Variants in CACNA1B observed in about 807,000 individuals in gnomAD.
CACNA1B encodes calcium voltage-gated channel subunit alpha1 B.
CACNA1B carries 70 observed loss-of-function variants against 247.2 expected under a neutral mutation model. That is an observed-to-expected ratio of 0.28 (90% CI 0.23 to 0.35). The LOEUF (loss-of-function observed/expected upper bound fraction) is 0.35, where lower values mean the gene tolerates loss of function less well. CACNA1B is among the 10% of genes least tolerant of loss of function. The pLI is 1.00. For synonymous variants in CACNA1B, 1,231 were observed against 1,294.4 expected (o/e 0.95, Z 1.05); for missense variants, 2,367 against 3,197.4 (o/e 0.74, Z 6.26).
At chr9:137,932,468 T>A (rs1957618699) in intron 6 of CACNA1B, among the ~76,000 whole-genome samples, 1 of 152,228 alleles carries the variant, frequency 6.6e-6, no homozygotes, top group African/African-American at 2.4e-5. Context: ...GAACTTGTTT[T>A]CTATGGTGAA....
At chr9:137,942,929 A>G (rs1408497367) in intron 6 of CACNA1B, among the ~76,000 whole-genome samples, 1 of 152,142 alleles carries the variant, frequency 6.6e-6, no homozygotes, top group Non-Finnish European at 1.5e-5. Flanking sequence ...TACGCATGTA[A>G]CCAAACACCA....
rs1305533380 is a variant in CACNA1B, at chr9:137,899,996, T to A, written c.531-13184T>A. On this transcript the variant is annotated intron_variant, in intron 3 of 46. Coordinates refer to ENST00000371372, the MANE Select transcript of CACNA1B (RefSeq NM_000718.4). This position sits in a 1 kb window ranked among gnomAD's most constrained non-coding sequence, Gnocchi z 5.0. The stretch of plus-strand genomic sequence containing the variant: ...CCAGATGCATGGGGACAAGGGAGCA[T>A]CCATAGTTTCTCATAGAACATAACA... 1.3e-5 allele frequency among the ~76,000 whole-genome samples: 2 copies of A among 152,116 alleles called. No homozygotes were observed. The highest frequency in any genetic ancestry group is 2.4e-5 in the African/African-American group (1 of 41,426).
intron 5 of CACNA1B, among the ~76,000 whole-genome samples, chr9:137,916,293 A>G (rs1957410446): frequency 6.6e-6 from 1 of 152,110 alleles, no homozygotes. Flanking sequence ...TCAGCCTCCC[A>G]AAGTGCTAGG....
At chr9:137,916,358 C>T (rs1307835631) in intron 5 of CACNA1B, among the ~76,000 whole-genome samples, 4 of 151,918 alleles carry the variant, frequency 2.6e-5, no homozygotes, top group Non-Finnish European at 4.4e-5. Context: ...TATTTTTTTT[C>T]GGCCTTTCAT....
rs369852833 is a variant in CACNA1B, at chr9:138,037,681, AAGAG to A, written c.3287-6089_3287-6086del. Among the ~76,000 whole-genome samples, 171 of 152,172 alleles carry A rather than the reference AAGAG, an allele frequency of 1.1e-3. 2 individuals carry two copies. The East Asian group carries it at 0.027, about 24-fold the overall frequency. The stretch of plus-strand genomic sequence containing the variant: ...CTCAAAAAAAACAAACAAAAAAAAA[AAGAG>A]AGAAAAAATCCAGTTCCCTTCTTTT... On this transcript the variant is annotated intron_variant, in intron 20 of 46. Coordinates refer to ENST00000371372, the MANE Select transcript of CACNA1B (RefSeq NM_000718.4).
At chr9:137,918,533 G>A (rs1957443498) in intron 6 of CACNA1B, among the ~76,000 whole-genome samples, 2 of 152,218 alleles carry the variant, frequency 1.3e-5, no homozygotes, top group Middle Eastern at 3.4e-3. Context: ...CGGAGTGCAA[G>A]GTGCTTTCAC....
In CACNA1B at chr9:137,957,610, C is replaced by T. The variant is rs759453922; in HGVS notation, c.1256C>T (p.Ala419Val). Reference protein sequence around the residue: ...EKSPLDVLKRAATKKSRNDLI... With the variant: ...EKSPLDVLKRVATKKSRNDLI... ...TTGTTTAAAGCAGTGCTGAAGAGAG[C>T]GGCCACCAAGAAGAGCAGAAATGAC... The change falls in exon 10 of 47, where the codon GCG (alanine) becomes GTG (valine). Residue 419 changes from alanine (A) to valine (V), a missense_variant. This residue lies in a region of CACNA1B where 219 missense variants were observed against 297.6 expected (regional missense o/e 0.74). Coordinates refer to ENST00000371372, the MANE Select transcript of CACNA1B (RefSeq NM_000718.4). This position sits in a 1 kb window ranked among gnomAD's most constrained non-coding sequence, Gnocchi z 4.7. The T allele has an allele frequency of 1.6e-5, 25 of 1,594,214 alleles. No homozygotes were observed. Among genetic ancestry groups the T allele is most frequent in the South Asian group, 2.3e-5 (2 of 86,948 alleles).
chr9:138,023,014 G>C lies in CACNA1B; in HGVS notation c.2271G>C (p.Arg757Ser). ...MSAANISIAA[R>S]QQNSAKARSV... is the part of the protein sequence containing the mutation. ...CTCACCGCCAGTCTCCCCGCAGCAG[G>C]CAGCAGAACTCGGCCAAGGCGCGCT... The change falls in exon 19 of 47, where the codon AGG becomes AGC. Residue 757 changes from arginine (R) to serine (S), a missense_variant. Transcript: ENST00000371372. The C allele has an allele frequency of 6.6e-7, 1 of 1,507,428 alleles. No individual in the cohort carries two copies. The highest frequency in any genetic ancestry group is 8.8e-7 in the Non-Finnish European group (1 of 1,135,296). The allele number at this position is 1,507,428 out of a possible 1,614,324, so 93.4% of individuals were successfully genotyped here.
At chr9:138,097,298 C>A (rs964274858) in intron 37 of CACNA1B, among the ~76,000 whole-genome samples, 2 of 152,022 alleles carry the variant, frequency 1.3e-5, no homozygotes, top group African/African-American at 2.4e-5. Flanking sequence ...GAGGAGGAGT[C>A]GCATGAAGGG....
intron 20 of CACNA1B, among the ~76,000 whole-genome samples, chr9:138,037,744 C>T (rs1023944892): frequency 1.3e-5 from 2 of 152,032 alleles, no homozygotes; most frequent in Non-Finnish European, 2.9e-5. Flanking sequence ...ACACTTCCTG[C>T]CATATGGTAT....
At chr9:138,079,718 G>A (rs923574710) in intron 36 of CACNA1B, among the ~76,000 whole-genome samples, 7 of 146,930 alleles carry the variant, frequency 4.8e-5, no homozygotes, top group Non-Finnish European at 8.9e-5. Flanking sequence ...ACTCCAGCCT[G>A]GGCAACAGAG....
At chr9:137,963,632 A>G (rs1486192984) in intron 10 of CACNA1B, among the ~76,000 whole-genome samples, 2 of 152,216 alleles carry the variant, frequency 1.3e-5, no homozygotes, top group South Asian at 4.1e-4. Flanking sequence ...CCAGACCTCA[A>G]ATGATCTGCC....
chr9:137,892,735 G>A (rs572457392), intron 3 of CACNA1B, among the ~76,000 whole-genome samples: 105 of 152,360 alleles, frequency 6.9e-4, no homozygotes, highest in Admixed American at 1.4e-3. Flanking sequence ...TCCCACCCCA[G>A]CACCTGCTGT....
At chr9:138,009,005 G>A (rs950254284) in intron 16 of CACNA1B, among the ~76,000 whole-genome samples, 6 of 152,236 alleles carry the variant, frequency 3.9e-5, no homozygotes, top group African/African-American at 7.2e-5. Context: ...AGTCACAGTC[G>A]GGGTCCTGAC....
rs561044600 is a variant in CACNA1B at position 138,113,351 on chromosome 9, T to C, written c.5536+846T>C. ...GAGGGAGCACGAGGAGGTGCCCAAC[T>C]CCAACTTGTGAGAGACGTGAGGGAG... On this transcript the variant is annotated intron_variant, in intron 40 of 46. Transcript: ENST00000371372. Among the ~76,000 whole-genome samples the C allele has an allele frequency of 7.9e-4, 113 of 143,096 alleles. 1 individual carries two copies. Among genetic ancestry groups the C allele is most frequent in the African/African-American group, 2.3e-3 (88 of 37,670 alleles). The allele number at this position is 143,096 out of a possible 152,430, so 93.9% of individuals were successfully genotyped here. A position where few individuals can be genotyped will look rare whatever the true frequency, so the allele number is the denominator to read the frequency against.
chr9:138,083,744 C>G (rs1020516681), intron 36 of CACNA1B, among the ~76,000 whole-genome samples: 1 of 150,632 alleles, frequency 6.6e-6, no homozygotes, highest in African/African-American at 2.5e-5. Context: ...TAGACTTGCC[C>G]CCTGGAGTCT....
At chr9:137,897,926 T>A (rs2133254011) in intron 3 of CACNA1B, among the ~76,000 whole-genome samples, 1 of 152,246 alleles carries the variant, frequency 6.6e-6, no homozygotes, top group African/African-American at 2.4e-5. Context: ...TTTTCTATCT[T>A]CCTAATGGCC....
chr9:137,960,422 CAGCCTGAGAGACGGAGGGGGAGGGGA>C (rs1958004957), intron 10 of CACNA1B, among the ~76,000 whole-genome samples: 2 of 12,548 alleles, frequency 1.6e-4, no homozygotes, highest in African/African-American at 3.1e-4. Context: ...GAGGGGAGGT[CAGCCTGAGAGACGGAGGGGGAGGGGA>C]GGTCGGCCTG....
rs1354409470 is a variant in CACNA1B, at chr9:138,010,947, C to T, written c.2160+870C>T. Among the ~76,000 whole-genome samples the T allele has an allele frequency of 6.6e-6, 1 of 152,172 alleles. No homozygotes were observed. Among genetic ancestry groups the T allele is most frequent in the East Asian group, 1.9e-4 (1 of 5,192 alleles). ...AGCTTCTCCAAGAGTGAGTGCTGTG[C>T]AGGTGCCCCTGCTCCCCCCAGCCGA... is the stretch of plus-strand genomic sequence containing the variant. On this transcript the variant is annotated intron_variant, in intron 17 of 46. Transcript: ENST00000371372. The surrounding 1 kb of genome is among the most constrained non-coding windows in gnomAD (Gnocchi z 5.3).
Sources: gnomAD v4.1 joint callset for allele counts (sites outside exome capture counted in the v4.1 genomes callset) on GRCh38, gnomAD v4.1.1 for gene constraint, gnomAD v4.1.1 regional missense constraint, Gnocchi (gnomAD v3.1) non-coding constraint, MANE v1.5 for transcripts, NCBI Gene and HGNC (gene_info 2026-07-23, HGNC 2026-07-21) for gene names.